FBXW8: variants seen among roughly 807,000 people sequenced by gnomAD.
FBXW8 encodes F-box/WD repeat-containing protein 8.
In FBXW8, 57 loss-of-function variants were observed where a neutral mutation model predicts 65.3. That is an observed-to-expected ratio of 0.87 (90% CI 0.71 to 1.09). The LOEUF is 1.09. Ranked by LOEUF, FBXW8 falls within the 50% of genes least tolerant of loss-of-function variation. FBXW8 has a pLI of 0.00. For synonymous variants in FBXW8, 308 were observed against 330.2 expected, an observed-to-expected ratio of 0.93 and a Z score of 0.73; for missense variants, 777 against 814.8, an observed-to-expected ratio of 0.95 and a Z score of 0.57.
intron 7 of FBXW8, among the ~76,000 whole-genome samples, chr12:116,989,298 A>T (rs919873951): frequency 2.0e-5 from 3 of 152,206 alleles, no homozygotes; most frequent in Non-Finnish European, 2.9e-5. Flanking sequence ...CTTCTAGCTC[A>T]TAGCCTGTTT....
intron 4 of FBXW8, 140 bp downstream of exon 4, chr12:116,949,846 A>C (rs1316299933): frequency 2.6e-6 from 2 of 773,512 alleles, no homozygotes; most frequent in African/African-American, 3.4e-5. Context: ...GAAGAGGGAG[A>C]GTCTCCGTGA....
chr12:116,921,235 A>G (rs912323581), intron 1 of FBXW8, among the ~76,000 whole-genome samples: 1 of 152,242 alleles, frequency 6.6e-6, no homozygotes, highest in Non-Finnish European at 1.5e-5. Context: ...CAATGCACTG[A>G]GCTGGTTAGA....
At chr12:117,008,359 C>T (rs918064894) in intron 7 of FBXW8, among the ~76,000 whole-genome samples, 1 of 152,100 alleles carries the variant, frequency 6.6e-6, no homozygotes, top group African/African-American at 2.4e-5. Context: ...TTAGGTTATT[C>T]TCTGATGATA....
chr12:117,013,401 G>C (rs1441759573), intron 8 of FBXW8, among the ~76,000 whole-genome samples: 1 of 152,160 alleles, frequency 6.6e-6, no homozygotes, highest in African/African-American at 2.4e-5. Context: ...TTTTGCATAG[G>C]AGTTTTATCA....
Position 117,000,327 on chromosome 12 carries a change from T to C in FBXW8, c.1240-9996T>C, listed in dbSNP as rs117415707. Among the ~76,000 whole-genome samples the C allele has an allele frequency of 4.4e-3, 671 of 152,300 alleles. 13 individuals carry two copies. The East Asian group carries it at 0.061, about 14-fold the overall frequency. On this transcript the variant is annotated intron_variant, in intron 7 of 10. Coordinates refer to ENST00000652555, the MANE Select transcript of FBXW8 (RefSeq NM_153348.3). ...CGCCCAGCACTATTGCCTCCCCAGATTGGCAGCAATTTGGAAGCAGGAAGT... is the reference window on the plus strand; with the variant it reads ...CGCCCAGCACTATTGCCTCCCCAGACTGGCAGCAATTTGGAAGCAGGAAGT...
intron 7 of FBXW8, chr12:117,002,711 C>T (rs2135699559): frequency 6.6e-6 from 1 of 152,302 alleles, no homozygotes; most frequent in East Asian, 1.9e-4. Context: ...GCTTTTAAAT[C>T]AGACATCCAT....
At position 116,999,204 on chromosome 12, in the gene FBXW8, C is replaced by G. The variant is rs138691585; in HGVS notation, c.1239+10335C>G. Among the ~76,000 whole-genome samples, 14 of 152,320 alleles carry G rather than the reference C, an allele frequency of 9.2e-5. No homozygotes were observed. In the East Asian group the frequency reaches 2.7e-3, roughly 29 times the overall value. On this transcript the variant is annotated intron_variant, in intron 7 of 10. Transcript: ENST00000652555. ...CACATCTGAGCGGTCGCATCCCAAA[C>G]TAAGGGACTCAGGAAGAGCCATGAG...
At chr12:116,992,761 G>GGTGTGTGTGT (rs59119067) in intron 7 of FBXW8, among the ~76,000 whole-genome samples, 7,560 of 143,556 alleles carry the variant, frequency 0.053, 301 homozygotes, top group Admixed American at 0.092. Flanking sequence ...ATTATTCCAT[G>GGTGTGTGTGT]GTGTGTGTGT....
chr12:117,010,738 T>A (rs1592955600), intron 8 of FBXW8, among the ~76,000 whole-genome samples: 1 of 152,282 alleles, frequency 6.6e-6, no homozygotes, highest in African/African-American at 2.4e-5. Context: ...TGGAATATCT[T>A]TTGTCCCCTG....
chr12:116,940,860 G>A (rs951884490), intron 2 of FBXW8, among the ~76,000 whole-genome samples: 2 of 152,138 alleles, frequency 1.3e-5, no homozygotes, highest in Non-Finnish European at 2.9e-5. Flanking sequence ...TGAGTCTTGA[G>A]TACCACATTT....
At chr12:116,953,840 G>A (rs971496483) in intron 4 of FBXW8, among the ~76,000 whole-genome samples, 6 of 151,376 alleles carry the variant, frequency 4.0e-5, no homozygotes, top group African/African-American at 7.3e-5. Context: ...AACCAGCCGG[G>A]CATGGTGGCT....
At chr12:116,984,865 C>CT (rs1226761209) in intron 5 of FBXW8, among the ~76,000 whole-genome samples, 1 of 152,126 alleles carries the variant, frequency 6.6e-6, no homozygotes, top group Non-Finnish European at 1.5e-5. Context: ...TGGCACACGC[C>CT]TGTAGTCCTG....
At chr12:116,998,700 AT>A (rs1953439493) in intron 7 of FBXW8, among the ~76,000 whole-genome samples, 1 of 129,690 alleles carries the variant, frequency 7.7e-6, no homozygotes, top group Admixed American at 9.0e-5. Flanking sequence ...AGGGAGCCCT[AT>A]TAGAAATGTT....
intron 5 of FBXW8, 80 bp downstream of exon 5, chr12:116,964,934 C>T: frequency 1.4e-6 from 2 of 1,422,242 alleles, no homozygotes; most frequent in Middle Eastern, 2.6e-4. Context: ...CGGCTCCCCC[C>T]TGTAATCCCT....
At chr12:116,969,174 G>A (rs901411416) in intron 5 of FBXW8, among the ~76,000 whole-genome samples, 1 of 152,136 alleles carries the variant, frequency 6.6e-6, no homozygotes, top group East Asian at 1.9e-4. Context: ...CAACGCCTGG[G>A]TAAAATCTAT....
At chr12:116,954,824 T>C (rs923292883) in intron 4 of FBXW8, among the ~76,000 whole-genome samples, 8 of 152,152 alleles carry the variant, frequency 5.3e-5, no homozygotes, top group Non-Finnish European at 1.2e-4. Context: ...CATCTTCCTG[T>C]TAGTGCTGTA....
chr12:116,975,040 C>A (rs1173155201), intron 5 of FBXW8, among the ~76,000 whole-genome samples: 2 of 151,994 alleles, frequency 1.3e-5, no homozygotes, highest in African/African-American at 2.4e-5. Flanking sequence ...AATTAATTAC[C>A]CATGAGTCCA....
chr12:116,975,847 T>G (rs796107443), intron 5 of FBXW8, among the ~76,000 whole-genome samples: 44 of 152,248 alleles, frequency 2.9e-4, no homozygotes, highest in African/African-American at 8.7e-4. Flanking sequence ...TTGCCCCAGA[T>G]TGGAGTCGAT....
intron 1 of FBXW8, among the ~76,000 whole-genome samples, chr12:116,915,738 G>T (rs773661783): frequency 2.1e-5 from 3 of 139,622 alleles, no homozygotes; most frequent in Non-Finnish European, 4.5e-5. Context: ...CTGCAACCCT[G>T]ACTTCCCGGG....
Sources: allele counts gnomAD v4.1 joint callset (sites outside exome capture counted in the v4.1 genomes callset), GRCh38; gene constraint gnomAD v4.1.1; transcripts MANE v1.5; gene names NCBI Gene and HGNC (gene_info 2026-07-23, HGNC 2026-07-21).